Variants in KDELR3 observed in about 807,000 individuals in gnomAD.
The protein encoded by KDELR3 is ER lumen protein-retaining receptor 3.
A neutral mutation model predicts 22.7 loss-of-function variants in KDELR3; 26 were observed. The observed-to-expected ratio is 1.15, with a 90% confidence interval of 0.84 to 1.59. The LOEUF (loss-of-function observed/expected upper bound fraction) is 1.59. Ranked by LOEUF, KDELR3 falls within the 40% of genes most tolerant of loss-of-function variation. The pLI is 0.00. For synonymous variants in KDELR3, 120 were observed against 98.2 expected (o/e 1.22, Z -1.31); for missense variants, 289 against 251.1 (o/e 1.15, Z -1.02).
At chr22:38,468,430 G>A in intron 1 of KDELR3, 106 bp downstream of exon 1, 1 of 852,830 alleles carries the variant, frequency 1.2e-6, no homozygotes, top group Non-Finnish European at 1.9e-6. Flanking sequence ...TGGGGACTCC[G>A]GCGTGGGGGT....
Position 38,474,565 on chromosome 22 carries a change from C to T in KDELR3, c.134C>T (p.Thr45Ile). ...KSQILFALVF[T>I]TRYLDLFTNF... ...CAGATCCTGTTTGCTCTCGTCTTCA[C>T]CACCAGGTACCTGGACCTGTTCACC... The change falls in exon 2 of 5, where the codon ACC becomes ATC. Residue 45 changes from threonine (T) to isoleucine (I), a missense_variant. Thr to Ile is a moderately conservative substitution (Grantham distance 89, BLOSUM62 -1). Transcript: ENST00000216014. 1 of 1,614,058 alleles carries T rather than the reference C, an allele frequency of 6.2e-7. No individual in the cohort carries two copies. Among genetic ancestry groups the T allele is most frequent in the Non-Finnish European group, 8.5e-7 (1 of 1,179,996 alleles).
rs141564593 is a variant in KDELR3, at chr22:38,474,575, C to G, written c.144C>G (p.Tyr48Ter). Residue 48 changes from tyrosine (Y) to a stop codon, truncating the protein, a stop_gained, in exon 2 of 5, where the codon TAC becomes TAG. Coordinates refer to ENST00000216014, the MANE Select transcript of KDELR3 (RefSeq NM_006855.4). LOFTEE classifies it high-confidence loss of function. ...TTGCTCTCGTCTTCACCACCAGGTA[C>G]CTGGACCTGTTCACCAACTTCATCT... ...ILFALVFTTR[Y>*]LDLFTNFISI... The G allele has an allele frequency of 3.8e-5, 62 of 1,614,082 alleles. No homozygotes were observed. The Admixed American group carries it at 5.5e-4, about 14-fold the overall frequency.
At chr22:38,473,351 GA>G (rs772135930) in intron 1 of KDELR3, among the ~76,000 whole-genome samples, 22 of 152,172 alleles carry the variant, frequency 1.4e-4, no homozygotes, top group Non-Finnish European at 2.8e-4. Context: ...TGAGATAGGA[GA>G]ATTGTTTGAG....
intron 4 of KDELR3, 92 bp downstream of exon 4, chr22:38,481,556 C>A: frequency 6.4e-7 from 1 of 1,574,398 alleles, no homozygotes; most frequent in South Asian, 1.2e-5. Context: ...TGTGAACAGT[C>A]AAGTCTCTGC....
At chr22:38,476,498 G>A (rs1235761720) in intron 2 of KDELR3, among the ~76,000 whole-genome samples, 1 of 151,898 alleles carries the variant, frequency 6.6e-6, no homozygotes, top group Non-Finnish European at 1.5e-5. Flanking sequence ...GATTACAGGT[G>A]TGAGCCATTG....
chr22:38,474,658 A>C (rs1602658949), intron 2 of KDELR3, 35 bp downstream of exon 2: 1 of 1,543,926 alleles, frequency 6.5e-7, no homozygotes. Context: ...GGGGGAAGCC[A>C]CCAAGCCCCC....
chr22:38,474,937 G>A lies in KDELR3; in HGVS notation c.192+314G>A, dbSNP rs554121336. On this transcript the variant is annotated intron_variant, in intron 2 of 4. Transcript: ENST00000216014. ...CTACTAAAAATACAAAAAATTAGCC[G>A]GGCGTGGTGGCTCATGCCTGCAGTC... Among the ~76,000 whole-genome samples the A allele has an allele frequency of 5.9e-5, 9 of 151,636 alleles. 1 individual carries two copies. The highest frequency in any genetic ancestry group is 4.6e-4 in the Admixed American group (7 of 15,198).
chr22:38,479,597 T>C lies in KDELR3; in HGVS notation c.197T>C (p.Val66Ala). ...ISIYNTVMKV[V>A]FLLCAYVTVY... ...CATGTCTCTCTCCCCTTTTAGGTGG[T>C]TTTTCTCCTCTGTGCCTATGTTACA... is the stretch of plus-strand genomic sequence containing the variant. The change falls in exon 3 of 5, where the codon GTT (valine) becomes GCT (alanine). Residue 66 changes from valine to alanine, a missense_variant. Transcript: ENST00000216014. The C allele has an allele frequency of 6.2e-7, 1 of 1,612,180 alleles. No individual in the cohort carries two copies. Among genetic ancestry groups the C allele is most frequent in the Non-Finnish European group, 8.5e-7 (1 of 1,178,270 alleles).
intron 2 of KDELR3, among the ~76,000 whole-genome samples, chr22:38,475,941 A>C (rs1052433907): frequency 4.6e-5 from 7 of 152,000 alleles, no homozygotes; most frequent in African/African-American, 1.7e-4. Context: ...GCCAAGATGT[A>C]GATTTTAGTT....
At chr22:38,468,408 G>T in intron 1 of KDELR3, 84 bp downstream of exon 1, 2 of 1,234,090 alleles carry the variant, frequency 1.6e-6, no homozygotes, top group East Asian at 4.7e-5. Context: ...CGCTCCAGGT[G>T]TCTGCTCAGG....
intron 3 of KDELR3, among the ~76,000 whole-genome samples, chr22:38,480,221 G>A (rs1156667644): frequency 6.6e-6 from 1 of 152,072 alleles, no homozygotes; most frequent in African/African-American, 2.4e-5. Context: ...TCAGCTCACT[G>A]CAACCTCTGC....
At position 38,471,291 on chromosome 22, in the gene KDELR3, C is replaced by T. The variant is rs574177874; in HGVS notation, c.91+2967C>T. On this transcript the variant is annotated intron_variant, in intron 1 of 4. Transcript: ENST00000216014. ...AGGCCCAAGCGGGTGACCAAGCGTC[C>T]CCCACCAGGGCTGCCTCCCAGGCAG... 1.8e-3 allele frequency among the ~76,000 whole-genome samples: 269 copies of T among 152,260 alleles called. 3 individuals are homozygous for T. The highest frequency in any genetic ancestry group is 6.1e-3 in the African/African-American group (252 of 41,540).
intron 4 of KDELR3, among the ~76,000 whole-genome samples, chr22:38,481,789 CA>C (rs1480582197): frequency 6.6e-6 from 1 of 152,094 alleles, no homozygotes; most frequent in Non-Finnish European, 1.5e-5. Flanking sequence ...CTAGTGGGGT[CA>C]AAATCTATAA....
chr22:38,480,057 A>C (rs575168569), intron 3 of KDELR3, among the ~76,000 whole-genome samples: 1 of 152,292 alleles, frequency 6.6e-6, no homozygotes, highest in South Asian at 2.1e-4. Context: ...AGAAATTTCA[A>C]CTCAGTAAGT....
At chr22:38,481,600 CAA>C (rs2145673998) in intron 4 of KDELR3, 136 bp downstream of exon 4, 3 of 1,510,762 alleles carry the variant, frequency 2.0e-6, no homozygotes, top group East Asian at 2.3e-5. Flanking sequence ...TGCAAGAAGA[CAA>C]ATATTTTCAA....
chr22:38,468,861 G>T lies in KDELR3; in HGVS notation c.91+537G>T, dbSNP rs556703566. On this transcript the variant is annotated intron_variant, in intron 1 of 4. Coordinates refer to ENST00000216014, the MANE Select transcript of KDELR3 (RefSeq NM_006855.4). Reference sequence around the variant, plus strand: ...GGTATGGAGCTGCCTCTAAACGGAAGCCGGGGAAGGCTGGAGGGGTCCCCT... The same window carrying T: ...GGTATGGAGCTGCCTCTAAACGGAATCCGGGGAAGGCTGGAGGGGTCCCCT... Among the ~76,000 whole-genome samples the T allele has an allele frequency of 3.9e-5, 6 of 152,352 alleles. No individual in the cohort carries two copies. In the East Asian group the frequency reaches 1.2e-3, roughly 29 times the overall value.
intron 1 of KDELR3, among the ~76,000 whole-genome samples, chr22:38,473,733 G>C (rs1357646847): frequency 6.6e-6 from 1 of 152,224 alleles, no homozygotes; most frequent in Non-Finnish European, 1.5e-5. Context: ...AGCACTTTGG[G>C]AGGCCAAGGC....
intron 2 of KDELR3, among the ~76,000 whole-genome samples, chr22:38,477,768 C>T (rs1254798854): frequency 6.6e-6 from 1 of 152,192 alleles, no homozygotes; most frequent in African/African-American, 2.4e-5. Context: ...TCACCGTCTA[C>T]TTAAGTTCAC....
rs988582021 is a variant in KDELR3 at position 38,482,777 on chromosome 22, G to C, written c.*241G>C. On this transcript the variant is annotated 3_prime_UTR_variant, in exon 5 of 5. Transcript: ENST00000216014. ...ACCTGCACAAAGATGGTGCCTCACT[G>C]CAACAAGAAACCTTAAGGTGTCTTA... The C allele has an allele frequency of 1.3e-5, 7 of 520,300 alleles. No individual in the cohort carries two copies. In the Admixed American group the frequency reaches 2.1e-4, roughly 16 times the overall value. The allele number at this position is 520,300 out of a possible 1,614,324, so 32.2% of individuals were successfully genotyped here.
Sources: gnomAD v4.1 joint callset for allele counts (sites outside exome capture counted in the v4.1 genomes callset) on GRCh38, gnomAD v4.1.1 for gene constraint, MANE v1.5 for transcripts, NCBI Gene and HGNC (gene_info 2026-07-23, HGNC 2026-07-21) for gene names.